ARRDC4: variants seen among roughly 807,000 people sequenced by gnomAD.
The protein encoded by ARRDC4 is arrestin domain containing 4, also known as arrestin domain-containing protein 4.
A neutral mutation model predicts 44.6 loss-of-function variants in ARRDC4; 40 were observed. The ratio of observed to expected loss-of-function variants is 0.90; its 90% CI spans 0.70 to 1.17. The LOEUF (loss-of-function observed/expected upper bound fraction) is 1.17. Ranked by LOEUF, ARRDC4 falls within the 50% of genes most tolerant of loss-of-function variation. The pLI is 0.00. For synonymous variants in ARRDC4, 211 were observed against 221.2 expected (o/e 0.95, Z 0.41); for missense variants, 550 against 559.1 (o/e 0.98, Z 0.16).
chr15:97,960,998 C>A lies in ARRDC4; in HGVS notation c.137C>A (p.Ala46Glu). 1.4e-6 allele frequency: 2 copies of A among 1,449,386 alleles called. No individual in the cohort carries two copies. Among genetic ancestry groups the A allele is most frequent in the Admixed American group, 2.5e-5 (1 of 40,532 alleles). 89.8% of individuals were successfully genotyped at this position (1,449,386 alleles called of 1,614,324 possible). Residue 46 changes from alanine (A) to glutamate (E), a missense_variant, in exon 1 of 8, where the codon GCG (alanine) becomes GAG (glutamate). By Grantham distance (107) the Ala-to-Glu change is moderately radical. Transcript: ENST00000268042. ...GTGGCCGGGCACGTGCTGCTGGAGG[C>A]GTCCGAGCCGGTGGCCCTGCGCGCG... ...ETVAGHVLLE[A>E]SEPVALRALR...
At position 97,969,115 on chromosome 15, in the gene ARRDC4, C is replaced by A. The variant is rs752494695; in HGVS notation, c.626-8C>A. On this transcript the variant is annotated splice_region_variant and splice_polypyrimidine_tract_variant and intron_variant, in intron 4 of 7. Coordinates refer to ENST00000268042, the MANE Select transcript of ARRDC4 (RefSeq NM_183376.3). ...TCTGAATCCTCCCTGGTTTTGTTTT[C>A]TTTTTAGGAGAAGCTATTCCAATCT... The A allele has an allele frequency of 1.2e-6, 2 of 1,609,284 alleles. No individual in the cohort carries two copies. The highest frequency in any genetic ancestry group is 1.1e-5 in the South Asian group (1 of 90,992).
At position 97,964,353 on chromosome 15, in the gene ARRDC4, A is replaced by C. The variant is rs552606565; in HGVS notation, c.308-1247A>C. Among the ~76,000 whole-genome samples the C allele has an allele frequency of 9.9e-5, 15 of 152,222 alleles. 1 individual carries two copies. In the South Asian group the frequency reaches 1.2e-3, roughly 13 times the overall value. Reference sequence around the variant, plus strand: ...AGTGTCAGATGACCAGGCAAATCTCAGAGTTCTGTCTCTGTGTTCCGATTT... The same window carrying C: ...AGTGTCAGATGACCAGGCAAATCTCCGAGTTCTGTCTCTGTGTTCCGATTT... On this transcript the variant is annotated intron_variant, in intron 1 of 7. Transcript: ENST00000268042.
Position 97,970,170 on chromosome 15 carries a change from C to A in ARRDC4, c.1045+125C>A. The A allele has an allele frequency of 1.9e-6, 2 of 1,072,594 alleles. No individual in the cohort carries two copies. Among genetic ancestry groups the A allele is most frequent in the Non-Finnish European group, 2.5e-6 (2 of 794,494 alleles). The allele number at this position is 1,072,594 out of a possible 1,614,324, so 66.4% of individuals were successfully genotyped here. A position where few individuals can be genotyped will look rare whatever the true frequency, so the allele number is the denominator to read the frequency against. On this transcript the variant is annotated intron_variant, in intron 6 of 7. Transcript: ENST00000268042. This position sits in a 1 kb window ranked among gnomAD's most constrained non-coding sequence, Gnocchi z 4.2. ...GCTACTATAGGTATCTTTATTCCTA[C>A]TACTAAAAAATCAGAAAGCATTAGT...
intron 4 of ARRDC4, 97 bp from the exon 5 acceptor site, chr15:97,969,026 G>C (rs1471627662): frequency 8.0e-6 from 10 of 1,255,238 alleles, no homozygotes; most frequent in Admixed American, 2.2e-5. Context: ...ATTTGTTAAA[G>C]TGATGTTGGA....
chr15:97,961,031 T>A lies in ARRDC4; in HGVS notation c.170T>A (p.Leu57Gln). 7.0e-7 allele frequency: 1 copy of A among 1,435,940 alleles called. No individual in the cohort carries two copies. The highest frequency in any genetic ancestry group is 9.1e-7 in the Non-Finnish European group (1 of 1,095,540). The allele number at this position is 1,435,940 out of a possible 1,614,324, so 88.9% of individuals were successfully genotyped here. Residue 57 changes from leucine (L) to glutamine (Q), a missense_variant, in exon 1 of 8, where the codon CTG (leucine) becomes CAG (glutamine). Leu to Gln is a moderately radical substitution (Grantham distance 113). Transcript: ENST00000268042. Reference sequence around the variant, plus strand: ...CCGGTGGCCCTGCGCGCGCTGCGCCTGGAGGCCCAGGGGCGCGCCACCGCC... The same window carrying A: ...CCGGTGGCCCTGCGCGCGCTGCGCCAGGAGGCCCAGGGGCGCGCCACCGCC... ...SEPVALRALR[L>Q]EAQGRATAAW... is the part of the protein sequence containing the mutation.
chr15:97,960,922 G>T lies in ARRDC4; in HGVS notation c.61G>T (p.Gly21Cys), dbSNP rs773901599. Residue 21 changes from glycine (G) to cysteine (C), a missense_variant, in exon 1 of 8, where the codon GGT becomes TGT. Gly to Cys is a radical substitution (Grantham distance 159). Coordinates refer to ENST00000268042, the MANE Select transcript of ARRDC4 (RefSeq NM_183376.3). Reference protein sequence around the residue: ...VGAEGRVKSLGLVFEDERKGC... With the variant: ...VGAEGRVKSLCLVFEDERKGC... The stretch of plus-strand genomic sequence containing the variant: ...TGCCGAGGGCCGCGTGAAGAGCCTG[G>T]GTCTGGTGTTCGAGGACGAGCGCAA... The T allele has an allele frequency of 5.5e-6, 8 of 1,461,406 alleles. No homozygotes were observed. The highest frequency in any genetic ancestry group is 7.3e-6 in the Non-Finnish European group (8 of 1,102,898). 90.5% of individuals were successfully genotyped at this position (1,461,406 alleles called of 1,614,324 possible). A position where few individuals can be genotyped will look rare whatever the true frequency, so the allele number is the denominator to read the frequency against.
At position 97,965,335 on chromosome 15, in the gene ARRDC4, G is replaced by A. The variant is rs1456206709; in HGVS notation, c.308-265G>A. The stretch of plus-strand genomic sequence containing the variant: ...TATAGTCCCAGCTCCTTGGGAGTCT[G>A]AGGCAGGAAGATTGCTTGAGCCCAG... On this transcript the variant is annotated intron_variant, in intron 1 of 7. Transcript: ENST00000268042. This position sits in a 1 kb window ranked among gnomAD's most constrained non-coding sequence, Gnocchi z 5.1. Among the ~76,000 whole-genome samples, 1 of 152,062 alleles carries A rather than the reference G, an allele frequency of 6.6e-6. No individual in the cohort carries two copies. Among genetic ancestry groups the A allele is most frequent in the Non-Finnish European group, 1.5e-5 (1 of 68,020 alleles).
intron 7 of ARRDC4, 30 bp from the exon 8 acceptor site, chr15:97,971,101 C>A: frequency 6.2e-7 from 1 of 1,608,980 alleles, no homozygotes; most frequent in Non-Finnish European, 8.5e-7. Flanking sequence ...AATGCTACAA[C>A]ACTAATCTCA....
chr15:97,969,632 A>G (rs768264490), intron 5 of ARRDC4, among the ~76,000 whole-genome samples: 1 of 152,164 alleles, frequency 6.6e-6, no homozygotes, highest in Non-Finnish European at 1.5e-5. Flanking sequence ...TTAATTTTCT[A>G]TAATTATTAT....
Position 97,966,703 on chromosome 15 carries a change from G to C in ARRDC4, c.522+661G>C, listed in dbSNP as rs1424524794. Among the ~76,000 whole-genome samples, 2 of 152,162 alleles carry C rather than the reference G, an allele frequency of 1.3e-5. No individual in the cohort carries two copies. The highest frequency in any genetic ancestry group is 2.9e-5 in the Non-Finnish European group (2 of 68,018). ...AGGCAAGATGGGAGCTAATGAGCTA[G>C]ATTCTTTTATCTAAACCCATATTAT... On this transcript the variant is annotated intron_variant, in intron 3 of 7. Transcript: ENST00000268042. This position sits in a 1 kb window ranked among gnomAD's most constrained non-coding sequence, Gnocchi z 4.7.
rs1450778266 is a variant in ARRDC4, at chr15:97,961,064, G to A, written c.203G>A (p.Gly68Asp). ...CAGGGGCGCGCCACCGCCGCCTGGGGCCCGAGCACCTGCCCCCGCGCCTCG... is the reference window on the plus strand; with the variant it reads ...CAGGGGCGCGCCACCGCCGCCTGGGACCCGAGCACCTGCCCCCGCGCCTCG... ...EAQGRATAAW[G>D]PSTCPRASAS... The change falls in exon 1 of 8, where the codon GGC becomes GAC. Residue 68 changes from glycine to aspartate, a missense_variant. Coordinates refer to ENST00000268042, the MANE Select transcript of ARRDC4 (RefSeq NM_183376.3). 1 of 1,432,936 alleles carries A rather than the reference G, an allele frequency of 7.0e-7. No homozygotes were observed. Among genetic ancestry groups the A allele is most frequent in the Admixed American group, 2.8e-5 (1 of 35,804 alleles). 88.8% of individuals were successfully genotyped at this position (1,432,936 alleles called of 1,614,324 possible).
chr15:97,970,240 C>A lies in ARRDC4; in HGVS notation c.1045+195C>A, dbSNP rs558467262. On this transcript the variant is annotated intron_variant, in intron 6 of 7. Transcript: ENST00000268042. The surrounding 1 kb of genome is among the most constrained non-coding windows in gnomAD (Gnocchi z 4.2). ...GTTTAGCTTTATCTAGGACGCAAAGCTGCTGATAGCAGATTCAGGAATAAG... is the reference window on the plus strand; with the variant it reads ...GTTTAGCTTTATCTAGGACGCAAAGATGCTGATAGCAGATTCAGGAATAAG... Among the ~76,000 whole-genome samples the A allele has an allele frequency of 1.3e-5, 2 of 152,188 alleles. No homozygotes were observed. Among genetic ancestry groups the A allele is most frequent in the South Asian group, 4.1e-4 (2 of 4,828 alleles).
At position 97,967,720 on chromosome 15, in the gene ARRDC4, T is replaced by A. The variant is rs1899441475; in HGVS notation, c.523-294T>A. ...GTCCTAATACAGCTTTTGATTTTTT[T>A]TTAAAAAAATGGTATATTATTTCCT... On this transcript the variant is annotated intron_variant, in intron 3 of 7. Transcript: ENST00000268042. The surrounding 1 kb of genome is among the most constrained non-coding windows in gnomAD (Gnocchi z 5.0). Among the ~76,000 whole-genome samples, 2 of 152,066 alleles carry A rather than the reference T, an allele frequency of 1.3e-5. No homozygotes were observed. Among genetic ancestry groups the A allele is most frequent in the South Asian group, 4.1e-4 (2 of 4,828 alleles).
At chr15:97,962,485 G>T (rs1491181) in intron 1 of ARRDC4, among the ~76,000 whole-genome samples, 1 of 152,052 alleles carries the variant, frequency 6.6e-6, no homozygotes, top group South Asian at 2.1e-4. Flanking sequence ...ACTTTGGACT[G>T]TATCTCTGGG....
chr15:97,970,615 T>G lies in ARRDC4; in HGVS notation c.1072T>G (p.Ser358Ala). ...ACCACCAAATTATGCAGATGTGGTATCAGAGGAAGAATTCTCTAGACACAT... is the reference window on the plus strand; with the variant it reads ...ACCACCAAATTATGCAGATGTGGTAGCAGAGGAAGAATTCTCTAGACACAT... The part of the protein sequence containing the change: ...EAPPNYADVV[S>A]EEEFSRHIPP... The change falls in exon 7 of 8, where the codon TCA becomes GCA. Residue 358 changes from serine to alanine, a missense_variant. Coordinates refer to ENST00000268042, the MANE Select transcript of ARRDC4 (RefSeq NM_183376.3). This position sits in a 1 kb window ranked among gnomAD's most constrained non-coding sequence, Gnocchi z 4.2. 1 of 1,612,682 alleles carries G rather than the reference T, an allele frequency of 6.2e-7. No individual in the cohort carries two copies. Among genetic ancestry groups the G allele is most frequent in the Non-Finnish European group, 8.5e-7 (1 of 1,179,270 alleles).
Position 97,971,219 on chromosome 15 carries a change from A to G in ARRDC4, c.*32A>G. On this transcript the variant is annotated 3_prime_UTR_variant, in exon 8 of 8. Coordinates refer to ENST00000268042, the MANE Select transcript of ARRDC4 (RefSeq NM_183376.3). The stretch of plus-strand genomic sequence containing the variant: ...TTCAGAAATCACTGTGTTCATCATC[A>G]AATTAGAATGTTGGTTCTTTTCCTT... The G allele has an allele frequency of 6.3e-7, 1 of 1,597,666 alleles. No homozygotes were observed.
At position 97,971,363 on chromosome 15, in the gene ARRDC4, C is replaced by T. The variant is rs1899511823; in HGVS notation, c.*176C>T. 3.1e-6 allele frequency: 2 copies of T among 635,032 alleles called. No individual in the cohort carries two copies. Among genetic ancestry groups the T allele is most frequent in the Non-Finnish European group, 5.4e-6 (2 of 367,554 alleles). 39.3% of individuals were successfully genotyped at this position (635,032 alleles called of 1,614,324 possible). On this transcript the variant is annotated 3_prime_UTR_variant, in exon 8 of 8. Transcript: ENST00000268042. ...TTCTGGTGGGCCGGCAGGATTGCCG[C>T]ACAAGTTTATATGATGGTCGTATAT...
intron 5 of ARRDC4, 101 bp from the exon 6 acceptor site, chr15:97,969,782 A>C: frequency 1.8e-6 from 2 of 1,116,462 alleles, no homozygotes; most frequent in Admixed American, 2.7e-5. Flanking sequence ...AGCCGACAAA[A>C]GCATTTGTTT....
rs867349406 is a variant in ARRDC4, at chr15:97,961,095, C to T, written c.234C>T (p.Ser78=). The T allele has an allele frequency of 4.1e-6, 6 of 1,445,964 alleles. No homozygotes were observed. The highest frequency in any genetic ancestry group is 2.4e-4 in the Middle Eastern group (1 of 4,110). 89.6% of individuals were successfully genotyped at this position (1,445,964 alleles called of 1,614,324 possible). A position where few individuals can be genotyped will look rare whatever the true frequency, so the allele number is the denominator to read the frequency against. Residue 78 remains serine, a synonymous_variant, in exon 1 of 8, where the codon AGC becomes AGT. Transcript: ENST00000268042. ...GPSTCPRASA[S]TAALAVFSEV... is the part of the protein sequence containing the mutation. Reference sequence around the variant, plus strand: ...GCACCTGCCCCCGCGCCTCGGCCAGCACCGCGGCCCTGGCTGTCTTCTCGG... The same window carrying T: ...GCACCTGCCCCCGCGCCTCGGCCAGTACCGCGGCCCTGGCTGTCTTCTCGG...
Sources: allele counts gnomAD v4.1 joint callset (sites outside exome capture counted in the v4.1 genomes callset), GRCh38; gene constraint gnomAD v4.1.1; non-coding constraint Gnocchi (gnomAD v3.1); transcripts MANE v1.5; gene names NCBI Gene and HGNC (gene_info 2026-07-23, HGNC 2026-07-21).